Variants in TEAD1 observed in about 807,000 individuals in gnomAD.
TEAD1 encodes the protein TEA domain transcription factor 1.
TEAD1 carries 9 observed loss-of-function variants against 54.9 expected under a neutral mutation model. That is an observed-to-expected ratio of 0.16 (90% CI 0.10 to 0.29). TEAD1 has a LOEUF of 0.29. TEAD1 is among the 10% of genes least tolerant of loss of function. The pLI is 1.00. For synonymous variants in TEAD1, 200 were observed against 187.8 expected, an observed-to-expected ratio of 1.07 and a Z score of -0.53; for missense variants, 387 against 535.9, an observed-to-expected ratio of 0.72 and a Z score of 2.74.
intron 3 of TEAD1, among the ~76,000 whole-genome samples, chr11:12,780,242 ATTTT>A (rs200775672): frequency 7.1e-6 from 1 of 140,454 alleles, no homozygotes. Flanking sequence ...TCAATTGTAA[ATTTT>A]TTTTTTTTTT....
intron 12 of TEAD1, among the ~76,000 whole-genome samples, chr11:12,936,736 TA>T (rs147007739): frequency 6.6e-6 from 1 of 152,168 alleles, no homozygotes; most frequent in Non-Finnish European, 1.5e-5. Flanking sequence ...AAAATTCAGA[TA>T]AAAAATAAGA....
chr11:12,689,813 C>T (rs1590054455), intron 2 of TEAD1, among the ~76,000 whole-genome samples: 1 of 152,186 alleles, frequency 6.6e-6, no homozygotes, highest in African/African-American at 2.4e-5. Flanking sequence ...GCTCCTCTCC[C>T]ACCAGATTAT....
chr11:12,866,974 G>C (rs1485831562), intron 5 of TEAD1, among the ~76,000 whole-genome samples: 1 of 152,122 alleles, frequency 6.6e-6, no homozygotes, highest in African/African-American at 2.4e-5. Flanking sequence ...GCTTCGTGGA[G>C]AGTATACTGT....
intron 3 of TEAD1, among the ~76,000 whole-genome samples, 199 bp downstream of exon 3, chr11:12,764,633 C>T (rs1415618538): frequency 1.3e-5 from 2 of 151,932 alleles, no homozygotes; most frequent in Admixed American, 6.6e-5. Flanking sequence ...AAGAAAAGGA[C>T]CCCTGGGCTT....
Position 12,824,876 on chromosome 11 carries a change from G to T in TEAD1, c.203-37374G>T, listed in dbSNP as rs116071670. The stretch of plus-strand genomic sequence containing the variant: ...TCCCGGACTGTTGCTGCCCTTGTTT[G>T]CCCTCCCTTCTGTTTCCTTCTCTCT... On this transcript the variant is annotated intron_variant, in intron 3 of 12. Transcript: ENST00000527636. Among the ~76,000 whole-genome samples the T allele has an allele frequency of 4.7e-3, 723 of 152,264 alleles. 7 individuals are homozygous for T. Among genetic ancestry groups the T allele is most frequent in the African/African-American group, 0.016 (683 of 41,532 alleles).
At chr11:12,878,811 GTT>G in intron 5 of TEAD1, 2 of 767,278 alleles carry the variant, frequency 2.6e-6, no homozygotes, top group Non-Finnish European at 3.6e-6. Context: ...ATATATATAT[GTT>G]TTTTTTTTAA....
chr11:12,821,287 C>CA (rs2134003201), intron 3 of TEAD1, among the ~76,000 whole-genome samples: 2 of 152,300 alleles, frequency 1.3e-5, no homozygotes, highest in East Asian at 3.9e-4. Context: ...ACGAGAAGTT[C>CA]AGAGTTTTGA....
At chr11:12,798,770 T>C (rs894487541) in intron 3 of TEAD1, among the ~76,000 whole-genome samples, 14 of 152,266 alleles carry the variant, frequency 9.2e-5, no homozygotes, top group African/African-American at 3.4e-4. Context: ...AAACTCTGAA[T>C]GCTGCGTTTC....
intron 2 of TEAD1, among the ~76,000 whole-genome samples, chr11:12,680,362 G>A (rs954250555): frequency 1.3e-5 from 2 of 152,234 alleles, no homozygotes; most frequent in Non-Finnish European, 2.9e-5. Flanking sequence ...GACTCCTTCT[G>A]CTGAGATGCG....
intron 12 of TEAD1, among the ~76,000 whole-genome samples, chr11:12,932,740 A>G (rs1464973655): frequency 6.6e-6 from 1 of 152,174 alleles, no homozygotes; most frequent in African/African-American, 2.4e-5. Context: ...GCCTAAGTGT[A>G]CAGTACAAAA....
chr11:12,865,116 T>C (rs372357889), intron 5 of TEAD1: 46 of 630,254 alleles, frequency 7.3e-5, no homozygotes, highest in Middle Eastern at 8.0e-4. Context: ...TGCGTGTGTG[T>C]GTGCGTGTGT....
intron 11 of TEAD1, among the ~76,000 whole-genome samples, chr11:12,928,812 GA>G (rs1948953238): frequency 6.6e-6 from 1 of 152,160 alleles, no homozygotes; most frequent in South Asian, 2.1e-4. Context: ...ATACACAGTA[GA>G]ATGGCTGAAT....
At chr11:12,785,377 G>T (rs747671409) in intron 3 of TEAD1, among the ~76,000 whole-genome samples, 2 of 152,164 alleles carry the variant, frequency 1.3e-5, no homozygotes, top group African/African-American at 4.8e-5. Flanking sequence ...CTCCTGCATG[G>T]CTCTTTCCTC....
intron 2 of TEAD1, among the ~76,000 whole-genome samples, chr11:12,740,597 C>T (rs887775307): frequency 2.6e-5 from 4 of 152,122 alleles, no homozygotes; most frequent in Non-Finnish European, 4.4e-5. Flanking sequence ...GAAGACAAAA[C>T]AGGTACATCT....
At chr11:12,792,547 A>T (rs1378048565) in intron 3 of TEAD1, among the ~76,000 whole-genome samples, 1 of 152,160 alleles carries the variant, frequency 6.6e-6, no homozygotes, top group African/African-American at 2.4e-5. Flanking sequence ...ACTCTGCTGC[A>T]TTGTCCTACT....
chr11:12,875,585 G>A (rs1305052710), intron 5 of TEAD1, among the ~76,000 whole-genome samples: 2 of 152,128 alleles, frequency 1.3e-5, no homozygotes, highest in Admixed American at 6.5e-5. Flanking sequence ...TGTAGATAAA[G>A]GGGAGATGTT....
At chr11:12,911,909 C>G (rs551700734) in intron 10 of TEAD1, among the ~76,000 whole-genome samples, 1 of 151,968 alleles carries the variant, frequency 6.6e-6, no homozygotes, top group South Asian at 2.1e-4. Context: ...CGTACCCTGT[C>G]TGTGGCCTGT....
At chr11:12,686,876 G>A (rs1057027827) in intron 2 of TEAD1, among the ~76,000 whole-genome samples, 6 of 152,210 alleles carry the variant, frequency 3.9e-5, no homozygotes, top group African/African-American at 1.4e-4. Context: ...ATGTGCCTTA[G>A]GCAGTGACTT....
intron 3 of TEAD1, among the ~76,000 whole-genome samples, chr11:12,855,009 T>A (rs1385868820): frequency 1.3e-5 from 2 of 152,210 alleles, no homozygotes; most frequent in African/African-American, 4.8e-5. Flanking sequence ...CTCCTTTCTT[T>A]TCCACTATTG....
Sources: gnomAD v4.1 joint callset for allele counts (sites outside exome capture counted in the v4.1 genomes callset) on GRCh38, gnomAD v4.1.1 for gene constraint, MANE v1.5 for transcripts, NCBI Gene and HGNC (gene_info 2026-07-23, HGNC 2026-07-21) for gene names.